BEND6: variants seen among roughly 807,000 people sequenced by gnomAD.
BEND6 encodes BEN domain containing 6, also known as BEN domain-containing protein 6.
In BEND6, 24 loss-of-function variants were observed where a neutral mutation model predicts 31.8. That is an observed-to-expected ratio of 0.75 (90% CI 0.55 to 1.06). The LOEUF (loss-of-function observed/expected upper bound fraction) is 1.06. Among genes scored for constraint, BEND6 ranks in the 50% least tolerant of loss-of-function variants. BEND6 has a pLI of 0.00. For missense variants in BEND6, 294 were observed against 327.4 expected (o/e 0.90, Z 0.79); for synonymous variants, 109 against 114.6 (o/e 0.95, Z 0.31).
chr6:57,011,242 A>G (rs1333541160), intron 3 of BEND6, among the ~76,000 whole-genome samples: 1 of 152,196 alleles, frequency 6.6e-6, no homozygotes, highest in Non-Finnish European at 1.5e-5. Flanking sequence ...TGAAATGGCC[A>G]GTTTCTTGTA....
intron 2 of BEND6, among the ~76,000 whole-genome samples, chr6:56,987,619 CA>C (rs1207977464): frequency 6.6e-6 from 1 of 152,184 alleles, no homozygotes; most frequent in Non-Finnish European, 1.5e-5. Context: ...GCAAGAAGAG[CA>C]AAGACATTTA....
chr6:56,992,994 G>A (rs73746973), intron 3 of BEND6, among the ~76,000 whole-genome samples: 6,612 of 152,160 alleles, frequency 0.043, 474 homozygotes, highest in African/African-American at 0.15. Flanking sequence ...TGGAATTAGA[G>A]TCCATATAGT....
intron 1 of BEND6, chr6:56,975,655 G>GA: frequency 2.5e-6 from 1 of 400,258 alleles, no homozygotes; most frequent in South Asian, 2.4e-5. Flanking sequence ...CTCTAGCCGT[G>GA]AAAAAACTCA....
intron 1 of BEND6, among the ~76,000 whole-genome samples, chr6:56,964,405 C>T (rs1825395894): frequency 6.6e-6 from 1 of 152,172 alleles, no homozygotes; most frequent in East Asian, 1.9e-4. Context: ...GGTTCTGTGT[C>T]CTGCTGACTG....
At chr6:56,966,831 CAT>C in intron 1 of BEND6, among the ~76,000 whole-genome samples, 1 of 152,282 alleles carries the variant, frequency 6.6e-6, no homozygotes, top group Non-Finnish European at 1.5e-5. Flanking sequence ...ATGAAGCTAA[CAT>C]GTGGAGCCAG....
intron 1 of BEND6, chr6:56,976,163 C>A: frequency 5.5e-6 from 1 of 181,690 alleles, no homozygotes; most frequent in Non-Finnish European, 1.1e-5. Context: ...CCAATCATGC[C>A]AAACAAGAAA....
chr6:56,960,660 C>T (rs1825257130), intron 1 of BEND6, among the ~76,000 whole-genome samples: 1 of 152,166 alleles, frequency 6.6e-6, no homozygotes, highest in South Asian at 2.1e-4. Flanking sequence ...CATCAATGCA[C>T]TCATAGCCTG....
At chr6:57,005,521 C>CA (rs982696707) in intron 3 of BEND6, among the ~76,000 whole-genome samples, 4 of 150,148 alleles carry the variant, frequency 2.7e-5, no homozygotes, top group African/African-American at 9.8e-5. Context: ...ACTAAAAATA[C>CA]AAAAAAAAAT....
chr6:56,959,160 TC>T (rs1290578333), intron 1 of BEND6, among the ~76,000 whole-genome samples: 1 of 152,048 alleles, frequency 6.6e-6, no homozygotes, highest in Non-Finnish European at 1.5e-5. Context: ...CAATTTTGAG[TC>T]CCCCCAACAG....
At chr6:56,999,274 G>T (rs934692383) in intron 3 of BEND6, among the ~76,000 whole-genome samples, 1 of 151,938 alleles carries the variant, frequency 6.6e-6, no homozygotes, top group Non-Finnish European at 1.5e-5. Flanking sequence ...TACAGTGATG[G>T]CATGGAGGCC....
chr6:56,992,497 A>T lies in BEND6; in HGVS notation c.240A>T (p.Lys80Asn). The T allele has an allele frequency of 6.2e-7, 1 of 1,614,198 alleles. No individual in the cohort carries two copies. The highest frequency in any genetic ancestry group is 8.5e-7 in the Non-Finnish European group (1 of 1,180,036). ...CCAAAATAAAAAGCCTGAAAGAAAA[A>T]CTAACAAACACCCGGAAAGAAAACA... is the stretch of plus-strand genomic sequence containing the variant. ...LCAKIKSLKE[K>N]LTNTRKENSR... Residue 80 changes from lysine to asparagine, a missense_variant, in exon 3 of 7, where the codon AAA (lysine) becomes AAT (asparagine). Coordinates refer to ENST00000370746, the MANE Select transcript of BEND6 (RefSeq NM_152731.3).
intron 2 of BEND6, 111 bp downstream of exon 2, chr6:56,982,041 C>A: frequency 8.3e-7 from 1 of 1,211,946 alleles, no homozygotes; most frequent in Non-Finnish European, 1.1e-6. Context: ...TAATTCTTTT[C>A]ATTTCTTTAT....
intron 6 of BEND6, among the ~76,000 whole-genome samples, chr6:57,022,044 C>T (rs1827760052): frequency 1.3e-5 from 2 of 151,970 alleles, no homozygotes; most frequent in South Asian, 4.2e-4. Context: ...ATCAGTGATG[C>T]TGGCCTGTAG....
chr6:57,003,543 A>AACAAC (rs562160743), intron 3 of BEND6, among the ~76,000 whole-genome samples: 34 of 150,622 alleles, frequency 2.3e-4, no homozygotes, highest in African/African-American at 8.1e-4. Context: ...ACAACAACAA[A>AACAAC]AACTACCAAT....
chr6:57,018,550 T>A lies in BEND6; in HGVS notation c.*2T>A. 6.5e-7 allele frequency: 1 copy of A among 1,527,864 alleles called. No individual in the cohort carries two copies. The highest frequency in any genetic ancestry group is 8.7e-7 in the Non-Finnish European group (1 of 1,144,828). The allele number at this position is 1,527,864 out of a possible 1,614,324, so 94.6% of individuals were successfully genotyped here. A position where few individuals can be genotyped will look rare whatever the true frequency, so the allele number is the denominator to read the frequency against. On this transcript the variant is annotated 3_prime_UTR_variant, in exon 6 of 7. Coordinates refer to ENST00000370746, the MANE Select transcript of BEND6 (RefSeq NM_152731.3). Reference sequence around the variant, plus strand: ...CTTAACTCTCAGGATATTAAATAGATCCTTTTGGTAAGTCTTTTAAATCTT... The same window carrying A: ...CTTAACTCTCAGGATATTAAATAGAACCTTTTGGTAAGTCTTTTAAATCTT...
chr6:56,986,754 G>A (rs1469703116), intron 2 of BEND6, among the ~76,000 whole-genome samples: 6 of 152,088 alleles, frequency 3.9e-5, no homozygotes, highest in Non-Finnish European at 8.8e-5. Flanking sequence ...CTCAGCCTCT[G>A]GGGAAAGATA....
intron 2 of BEND6, among the ~76,000 whole-genome samples, chr6:56,986,069 A>G (rs1279311055): frequency 6.6e-6 from 1 of 152,198 alleles, no homozygotes; most frequent in East Asian, 1.9e-4. Context: ...TCAATAGGCT[A>G]TCTTCAGTTT....
chr6:56,961,059 G>A (rs1282005227), intron 1 of BEND6, among the ~76,000 whole-genome samples: 2 of 152,142 alleles, frequency 1.3e-5, no homozygotes, highest in East Asian at 3.8e-4. Context: ...AAAAACTTGT[G>A]TCTCATTTTG....
At chr6:56,968,058 A>T (rs989079681) in intron 1 of BEND6, among the ~76,000 whole-genome samples, 3 of 152,226 alleles carry the variant, frequency 2.0e-5, no homozygotes, top group African/African-American at 7.2e-5. Context: ...GCAGAATTGG[A>T]GAGATCCAAG....
Sources: gnomAD v4.1 joint callset for allele counts (sites outside exome capture counted in the v4.1 genomes callset) on GRCh38, gnomAD v4.1.1 for gene constraint, MANE v1.5 for transcripts, NCBI Gene and HGNC (gene_info 2026-07-23, HGNC 2026-07-21) for gene names.